Variants in ALS2 observed in about 807,000 individuals in gnomAD.
ALS2 encodes alsin Rho guanine nucleotide exchange factor ALS2.
ALS2 carries 117 observed loss-of-function variants against 203.4 expected under a neutral mutation model. The ratio of observed to expected loss-of-function variants is 0.58; its 90% confidence interval spans 0.50 to 0.67. The LOEUF (loss-of-function observed/expected upper bound fraction) is 0.67. ALS2 is among the 30% of genes least tolerant of loss of function. The pLI is 0.00. For synonymous variants in ALS2, 718 were observed against 725.9 expected (o/e 0.99, Z 0.17); for missense variants, 1,715 against 1,989.4 (o/e 0.86, Z 2.62).
intron 1 of ALS2, among the ~76,000 whole-genome samples, chr2:201,780,465 A>G (rs1415327471): frequency 6.6e-6 from 1 of 152,204 alleles, no homozygotes; most frequent in African/African-American, 2.4e-5. Flanking sequence ...GTTCCAGGCC[A>G]CGGACCCCAG....
At chr2:201,774,520 G>A (rs758498346) in intron 1 of ALS2, among the ~76,000 whole-genome samples, 102 of 152,292 alleles carry the variant, frequency 6.7e-4, no homozygotes, top group Non-Finnish European at 9.0e-4. Context: ...CTTTTGGGAA[G>A]AAGGCAGGAT....
intron 7 of ALS2, among the ~76,000 whole-genome samples, chr2:201,752,367 A>G (rs564184977): frequency 6.6e-6 from 1 of 152,216 alleles, no homozygotes; most frequent in South Asian, 2.1e-4. Flanking sequence ...TATTATATGT[A>G]TATAATAAAG....
At chr2:201,777,043 G>A (rs1694691882) in intron 1 of ALS2, among the ~76,000 whole-genome samples, 2 of 152,124 alleles carry the variant, frequency 1.3e-5, no homozygotes, top group South Asian at 4.1e-4. Context: ...AGATAACTAC[G>A]TTGTAATAAA....
chr2:201,708,785 G>A (rs1177569495), intron 27 of ALS2, among the ~76,000 whole-genome samples: 4 of 151,704 alleles, frequency 2.6e-5, no homozygotes, highest in Admixed American at 1.3e-4. Context: ...TTATTTTTAC[G>A]GACTTAAATT....
At chr2:201,744,233 TG>T in intron 10 of ALS2, 24 bp downstream of exon 10, 1 of 1,602,700 alleles carries the variant, frequency 6.2e-7, no homozygotes, top group Non-Finnish European at 8.5e-7. Context: ...GGTTTAATGG[TG>T]GGAGAGAGGG....
chr2:201,731,243 A>G (rs1306044888), intron 13 of ALS2, among the ~76,000 whole-genome samples: 1 of 126,794 alleles, frequency 7.9e-6, no homozygotes, highest in Non-Finnish European at 1.7e-5. Context: ...AGTGCTAGGG[A>G]AAAAAAAATA....
In ALS2 at chr2:201,767,302, T is replaced by A; in HGVS notation, c.102A>T (p.Arg34Ser). Reference protein sequence around the residue: ...QAGSFPITPERLPGWGGKTVL... With the variant: ...QAGSFPITPESLPGWGGKTVL... Reference sequence around the variant, plus strand: ...CAGTCTTTCCTCCCCAGCCTGGCAATCTCTCTGGTGTTATGGGAAAGGATC... The same window carrying A: ...CAGTCTTTCCTCCCCAGCCTGGCAAACTCTCTGGTGTTATGGGAAAGGATC... The change falls in exon 3 of 34, where the codon AGA (arginine) becomes AGT (serine). Residue 34 changes from arginine to serine, a missense_variant. By Grantham distance (110) the Arg-to-Ser change is moderately radical (BLOSUM62 -1). Around this residue, in one of 3 missense-constraint regions of ALS2, gnomAD observed 476 missense variants for 539.3 expected, o/e 0.88. Transcript: ENST00000264276. The A allele has an allele frequency of 1.9e-6, 3 of 1,613,866 alleles. No individual in the cohort carries two copies. The highest frequency in any genetic ancestry group is 2.5e-6 in the Non-Finnish European group (3 of 1,179,944).
chr2:201,711,830 A>G (rs1690044035), intron 25 of ALS2, among the ~76,000 whole-genome samples: 1 of 142,818 alleles, frequency 7.0e-6, no homozygotes, highest in Non-Finnish European at 1.5e-5. Flanking sequence ...TTTTATATAA[A>G]GAGTTCATTC....
chr2:201,743,480 G>A (rs1268505890), intron 10 of ALS2, among the ~76,000 whole-genome samples: 1 of 151,926 alleles, frequency 6.6e-6, no homozygotes, highest in Non-Finnish European at 1.5e-5. Context: ...TCATGCTGAG[G>A]GATAAGATCT....
At chr2:201,714,491 C>A (rs896954077) in intron 25 of ALS2, among the ~76,000 whole-genome samples, 3 of 152,234 alleles carry the variant, frequency 2.0e-5, no homozygotes, top group Non-Finnish European at 4.4e-5. Context: ...TTCCTCCAGA[C>A]TCTACCTGTG....
At chr2:201,750,718 C>A (rs1483993121) in intron 7 of ALS2, among the ~76,000 whole-genome samples, 3 of 152,198 alleles carry the variant, frequency 2.0e-5, no homozygotes, top group African/African-American at 7.2e-5. Flanking sequence ...AATCACTGAT[C>A]AACCACTTGG....
chr2:201,760,724 TCTTTC>T (rs2106087002), intron 4 of ALS2, 152 bp downstream of exon 4: 3 of 1,432,146 alleles, frequency 2.1e-6, no homozygotes, highest in African/African-American at 1.4e-5. Flanking sequence ...TAATCCAGGT[TCTTTC>T]CTTTATCTAG....
chr2:201,732,276 C>A (rs1691603527), intron 13 of ALS2, among the ~76,000 whole-genome samples: 1 of 151,778 alleles, frequency 6.6e-6, no homozygotes, highest in Non-Finnish European at 1.5e-5. Context: ...TACAAGGGGC[C>A]AGCGTGGTGG....
chr2:201,746,470 C>T, intron 9 of ALS2, 96 bp downstream of exon 9: 1 of 1,406,474 alleles, frequency 7.1e-7, no homozygotes, highest in Non-Finnish European at 1.0e-6. Flanking sequence ...GTTAGAGATG[C>T]TTACTAATAA....
At chr2:201,766,346 G>A (rs916206668) in intron 3 of ALS2, among the ~76,000 whole-genome samples, 48 of 152,074 alleles carry the variant, frequency 3.2e-4, no homozygotes, top group African/African-American at 1.1e-3. Context: ...AACAGAAATA[G>A]TTCATTAAGA....
At chr2:201,715,438 T>C (rs1690310452) in intron 25 of ALS2, among the ~76,000 whole-genome samples, 1 of 152,248 alleles carries the variant, frequency 6.6e-6, no homozygotes, top group South Asian at 2.1e-4. Context: ...TCTTCCTCAA[T>C]CTACTTGTTG....
intron 23 of ALS2, among the ~76,000 whole-genome samples, chr2:201,721,242 T>C (rs1487443767): frequency 6.6e-6 from 1 of 152,228 alleles, no homozygotes; most frequent in African/African-American, 2.4e-5. Context: ...TCTCCCCAAA[T>C]TAATCTATAG....
rs769842900 is a variant in ALS2 at position 201,715,862 on chromosome 2, T to G, written c.3837-23A>C. 3.1e-6 allele frequency: 5 copies of G among 1,613,730 alleles called. No individual in the cohort carries two copies. The African/African-American group carries it at 6.7e-5, about 22-fold the overall frequency. ...CTGCTAATAAAGTCATATCAACCTT[T>G]TATTAATCATTTCTTTTGTGCAAAA... is the stretch of plus-strand genomic sequence containing the variant. On this transcript the variant is annotated intron_variant, in intron 24 of 33. Transcript: ENST00000264276.
intron 27 of ALS2, among the ~76,000 whole-genome samples, chr2:201,709,243 C>A (rs1448210229): frequency 2.0e-5 from 3 of 152,188 alleles, no homozygotes; most frequent in Non-Finnish European, 4.4e-5. Context: ...CTCTGACCTT[C>A]TCTTCAAAAT....
Sources: gnomAD v4.1 joint callset for allele counts (sites outside exome capture counted in the v4.1 genomes callset) on GRCh38, gnomAD v4.1.1 for gene constraint, gnomAD v4.1.1 regional missense constraint, MANE v1.5 for transcripts, NCBI Gene and HGNC (gene_info 2026-07-23, HGNC 2026-07-21) for gene names.